The following CNTNAP2 variants were observed in gnomAD, a reference collection of about 807,000 sequenced individuals.
CNTNAP2 encodes contactin associated protein 2.
Under a neutral mutation model 155.2 loss-of-function variants are expected in CNTNAP2, and 98 were observed. The ratio of observed to expected loss-of-function variants is 0.63; its 90% CI spans 0.54 to 0.75. CNTNAP2 has a LOEUF of 0.75. Ranked by LOEUF, CNTNAP2 falls within the 30% of genes least tolerant of loss-of-function variation. The pLI is 0.00. For synonymous variants in CNTNAP2, 651 were observed against 631.2 expected (o/e 1.03, Z -0.47); for missense variants, 1,727 against 1,688.1 (o/e 1.02, Z -0.40).
intron 11 of CNTNAP2, among the ~76,000 whole-genome samples, chr7:147,503,351 C>A (rs1453876921): frequency 6.6e-6 from 1 of 152,154 alleles, no homozygotes; most frequent in African/African-American, 2.4e-5. Flanking sequence ...GATTGAGTGT[C>A]CACATTGATC....
chr7:146,647,289 A>C (rs768524878), intron 1 of CNTNAP2, among the ~76,000 whole-genome samples: 9 of 152,170 alleles, frequency 5.9e-5, no homozygotes, highest in Non-Finnish European at 8.8e-5. Context: ...TTTCCTTTAA[A>C]GAATGGCCAG....
At chr7:147,175,591 C>T (rs1008578427) in intron 8 of CNTNAP2, among the ~76,000 whole-genome samples, 1 of 152,098 alleles carries the variant, frequency 6.6e-6, no homozygotes, top group Non-Finnish European at 1.5e-5. Flanking sequence ...GGAAGAGGGA[C>T]ACAGAGAAAG....
intron 1 of CNTNAP2, among the ~76,000 whole-genome samples, chr7:146,715,041 T>G (rs190074106): frequency 1.3e-5 from 2 of 152,150 alleles, no homozygotes; most frequent in African/African-American, 4.8e-5. Flanking sequence ...ACTCTAAAAC[T>G]CTATAGAGGC....
chr7:148,054,979 T>C (rs2116500645), intron 15 of CNTNAP2, among the ~76,000 whole-genome samples: 1 of 151,642 alleles, frequency 6.6e-6, no homozygotes, highest in African/African-American at 2.4e-5. Flanking sequence ...TCCTCCCTGG[T>C]TCAAGCGATT....
Position 147,610,652 on chromosome 7 carries a change from C to T in CNTNAP2, c.1898-28454C>T, listed in dbSNP as rs777450352. On this transcript the variant is annotated intron_variant, in intron 12 of 23. Transcript: ENST00000361727. Reference sequence around the variant, plus strand: ...GCCAAACAGAGATGAGAGAGCTAGCCCAGGGGAGTTTTAGGGGAAGCATCT... The same window carrying T: ...GCCAAACAGAGATGAGAGAGCTAGCTCAGGGGAGTTTTAGGGGAAGCATCT... 3.3e-4 allele frequency among the ~76,000 whole-genome samples: 50 copies of T among 152,058 alleles called. 1 individual carries two copies. The highest frequency in any genetic ancestry group is 6.9e-4 in the Non-Finnish European group (47 of 68,008).
At chr7:146,373,539 A>G (rs1795266036) in intron 1 of CNTNAP2, among the ~76,000 whole-genome samples, 1 of 152,286 alleles carries the variant, frequency 6.6e-6, no homozygotes. Flanking sequence ...TATGTTGAAA[A>G]AAATGGAGGC....
chr7:146,623,945 G>A (rs1045284656), intron 1 of CNTNAP2, among the ~76,000 whole-genome samples: 1 of 152,138 alleles, frequency 6.6e-6, no homozygotes, highest in East Asian at 1.9e-4. Context: ...GTGGATGTTC[G>A]CCATTCTAGT....
chr7:147,251,047 T>C (rs1445207950), intron 8 of CNTNAP2, among the ~76,000 whole-genome samples: 2 of 152,158 alleles, frequency 1.3e-5, no homozygotes, highest in African/African-American at 4.8e-5. Context: ...TTAAAAGCCA[T>C]CATGCCAACA....
At chr7:147,140,127 C>T (rs1801563397) in intron 8 of CNTNAP2, among the ~76,000 whole-genome samples, 1 of 151,940 alleles carries the variant, frequency 6.6e-6, no homozygotes, top group Non-Finnish European at 1.5e-5. Flanking sequence ...TACAGTTGTG[C>T]CTAGATTCTT....
chr7:147,935,329 G>C lies in CNTNAP2; in HGVS notation c.2255+31608G>C, dbSNP rs1800491005. Among the ~76,000 whole-genome samples, 3 of 152,238 alleles carry C rather than the reference G, an allele frequency of 2.0e-5. No individual in the cohort carries two copies. The South Asian group carries it at 6.2e-4, about 32-fold the overall frequency. On this transcript the variant is annotated intron_variant, in intron 14 of 23. Transcript: ENST00000361727. The stretch of plus-strand genomic sequence containing the variant: ...TTTAGTAGAGACGGGGTTTCACCAT[G>C]TTGGCCAGAATGGTCTTGATCTCTT...
intron 21 of CNTNAP2, among the ~76,000 whole-genome samples, chr7:148,319,434 A>C (rs974971052): frequency 8.5e-5 from 13 of 152,150 alleles, no homozygotes; most frequent in African/African-American, 3.1e-4. Context: ...GGTTTATTTC[A>C]TCATCTTAAA....
chr7:147,468,132 A>T (rs143936857), intron 10 of CNTNAP2, among the ~76,000 whole-genome samples: 28 of 152,260 alleles, frequency 1.8e-4, no homozygotes, highest in Admixed American at 3.9e-4. Context: ...AAAAAAATTT[A>T]AAAATATAAT....
rs1206205333 is a variant in CNTNAP2, at chr7:148,257,799, C to T, written c.3382-9234C>T. Among the ~76,000 whole-genome samples the T allele has an allele frequency of 3.3e-5, 5 of 152,152 alleles. No homozygotes were observed. In the East Asian group the frequency reaches 9.7e-4, roughly 29 times the overall value. ...GTCTGGGAGGATGGAGCCAAGCTCACTCACTCAAACTCGATGTCAATAAAA... is the reference window on the plus strand; with the variant it reads ...GTCTGGGAGGATGGAGCCAAGCTCATTCACTCAAACTCGATGTCAATAAAA... On this transcript the variant is annotated intron_variant, in intron 20 of 23. Transcript: ENST00000361727.
At chr7:147,051,754 A>C (rs546359714) in intron 4 of CNTNAP2, among the ~76,000 whole-genome samples, 1 of 151,550 alleles carries the variant, frequency 6.6e-6, no homozygotes, top group African/African-American at 2.4e-5. Context: ...TGTTAATCTT[A>C]TTAATATTAA....
chr7:147,530,709 A>G (rs1799416187), intron 11 of CNTNAP2, among the ~76,000 whole-genome samples: 1 of 152,142 alleles, frequency 6.6e-6, no homozygotes, highest in Admixed American at 6.6e-5. Context: ...GTCAAACCAT[A>G]TCATTCCGCC....
chr7:147,264,116 G>C (rs770305678), intron 8 of CNTNAP2, among the ~76,000 whole-genome samples: 3 of 152,134 alleles, frequency 2.0e-5, no homozygotes, highest in African/African-American at 4.8e-5. Flanking sequence ...TAAACTTACT[G>C]TTTTGAAAAG....
intron 1 of CNTNAP2, among the ~76,000 whole-genome samples, chr7:146,263,137 T>A (rs1294975950): frequency 1.3e-5 from 2 of 151,962 alleles, no homozygotes; most frequent in South Asian, 4.2e-4. Flanking sequence ...GCCAATATGG[T>A]GAAACCCTGT....
At chr7:146,754,063 G>C (rs948608688) in intron 1 of CNTNAP2, among the ~76,000 whole-genome samples, 2 of 151,922 alleles carry the variant, frequency 1.3e-5, no homozygotes, top group African/African-American at 4.8e-5. Context: ...TAGCAACATT[G>C]GCTTTCCTGC....
chr7:147,642,860 A>C (rs1293569587), intron 13 of CNTNAP2, among the ~76,000 whole-genome samples: 1 of 152,156 alleles, frequency 6.6e-6, no homozygotes, highest in Non-Finnish European at 1.5e-5. Flanking sequence ...ATATATATCA[A>C]ATCTTTGGTT....
Sources: gnomAD v4.1 joint callset for allele counts (sites outside exome capture counted in the v4.1 genomes callset) on GRCh38, gnomAD v4.1.1 for gene constraint, MANE v1.5 for transcripts, NCBI Gene and HGNC (gene_info 2026-07-23, HGNC 2026-07-21) for gene names.